CHD9: variants seen among roughly 807,000 people sequenced by gnomAD.
CHD9 encodes ATP-dependent chromatin remodeler CHD9.
In CHD9, 77 loss-of-function variants were observed where a neutral mutation model predicts 316.1. That is an observed-to-expected ratio of 0.24 (90% confidence interval 0.20 to 0.29). The LOEUF is 0.29. CHD9 is among the 10% of genes least tolerant of loss of function. The pLI is 1.00. For missense variants in CHD9, 2,763 were observed against 3,438.1 expected, an observed-to-expected ratio of 0.80 and a Z score of 4.91; for synonymous variants, 1,129 against 1,158.3, an observed-to-expected ratio of 0.97 and a Z score of 0.51.
At chr16:53,261,870 A>T (rs991488144) in intron 19 of CHD9, among the ~76,000 whole-genome samples, 25 of 152,192 alleles carry the variant, frequency 1.6e-4, no homozygotes, top group African/African-American at 6.0e-4. Context: ...CTACAATACT[A>T]TTACCACATT....
chr16:53,296,847 G>A (rs2054855391), intron 29 of CHD9, 109 bp from the exon 30 acceptor site: 4 of 694,956 alleles, frequency 5.8e-6, no homozygotes, highest in African/African-American at 5.4e-5. Flanking sequence ...TAATCCTATA[G>A]TGTTAGGTAC....
rs1305929677 is a variant in CHD9 at position 53,157,287 on chromosome 16, C to A, written c.1198C>A (p.Pro400Thr). The A allele has an allele frequency of 1.4e-5, 23 of 1,609,854 alleles. No homozygotes were observed. Among genetic ancestry groups the A allele is most frequent in the African/African-American group, 2.7e-5 (2 of 74,884 alleles). ...TCATCAAGTGGAATCTCAAACTGAG[C>A]CATTCACAGGACTTGACCCCGAGGA... Reference protein sequence around the residue: ...LLHQVESQTEPFTGLDPEDLL... With the variant: ...LLHQVESQTETFTGLDPEDLL... Residue 400 changes from proline (P) to threonine (T), a missense_variant, in exon 2 of 39, where the codon CCA (proline) becomes ACA (threonine). Pro to Thr is a conservative substitution (Grantham distance 38). This residue lies in a region of CHD9 where 859 missense variants were observed against 890.4 expected (regional missense o/e 0.96). Transcript: ENST00000447540.
intron 2 of CHD9, among the ~76,000 whole-genome samples, chr16:53,160,122 G>C (rs745340865): frequency 7.2e-5 from 11 of 152,108 alleles, no homozygotes; most frequent in African/African-American, 2.7e-4. Flanking sequence ...ATTGAACTTA[G>C]GTGCATCTAT....
At chr16:53,179,457 T>G (rs920445360) in intron 2 of CHD9, among the ~76,000 whole-genome samples, 1 of 152,210 alleles carries the variant, frequency 6.6e-6, no homozygotes, top group African/African-American at 2.4e-5. Context: ...CTTATACATA[T>G]TTATGTCCCT....
At position 53,324,064 on chromosome 16, in the gene CHD9, C is replaced by T. The variant is rs1360316789; in HGVS notation, c.7863C>T (p.Pro2621=). The change falls in exon 39 of 39, where the codon CCC becomes CCT. Residue 2621 remains proline (P), a synonymous_variant. Coordinates refer to ENST00000447540, the MANE Select transcript of CHD9 (RefSeq NM_001308319.2). ...TGTATGAACGTATTCTCACTGGTCCCGTTGTGAGAGAGGAAGTAAGCAGGC... is the reference window on the plus strand; with the variant it reads ...TGTATGAACGTATTCTCACTGGTCCTGTTGTGAGAGAGGAAGTAAGCAGGC... ...ESMYERILTG[P]VVREEVSRRG... is the part of the protein sequence containing the mutation. 3.7e-6 allele frequency: 6 copies of T among 1,613,558 alleles called. No homozygotes were observed. The highest frequency in any genetic ancestry group is 1.6e-4 in the Middle Eastern group (1 of 6,082).
intron 2 of CHD9, among the ~76,000 whole-genome samples, chr16:53,176,475 A>C (rs968472188): frequency 1.3e-5 from 2 of 152,220 alleles, no homozygotes; most frequent in Non-Finnish European, 1.5e-5. Flanking sequence ...AAATATTCAC[A>C]GGTTTTGAGG....
intron 1 of CHD9, among the ~76,000 whole-genome samples, chr16:53,073,168 C>T (rs971796352): frequency 3.3e-5 from 5 of 152,196 alleles, no homozygotes; most frequent in Non-Finnish European, 7.3e-5. Context: ...TGGCAACAGC[C>T]AATCTGCTGT....
At chr16:53,294,277 T>C (rs1219671775) in intron 29 of CHD9, among the ~76,000 whole-genome samples, 1 of 152,232 alleles carries the variant, frequency 6.6e-6, no homozygotes, top group African/African-American at 2.4e-5. Flanking sequence ...GGAAGATATA[T>C]TGTTCTTTTG....
At chr16:53,251,038 T>C (rs918764020) in intron 17 of CHD9, among the ~76,000 whole-genome samples, 1 of 152,190 alleles carries the variant, frequency 6.6e-6, no homozygotes, top group African/African-American at 2.4e-5. Flanking sequence ...TAATCTACTT[T>C]AAAATATCAA....
At chr16:53,229,243 C>T (rs920353877) in intron 8 of CHD9, 143 bp downstream of exon 8, 6 of 488,674 alleles carry the variant, frequency 1.2e-5, no homozygotes, top group Non-Finnish European at 1.8e-5. Flanking sequence ...TAGTATTTTT[C>T]TCTTCTCAAA....
chr16:53,142,990 C>T (rs796936157), intron 1 of CHD9, among the ~76,000 whole-genome samples: 4 of 152,258 alleles, frequency 2.6e-5, no homozygotes, highest in African/African-American at 9.6e-5. Context: ...GGCAAGAGAG[C>T]AAGGCATGAC....
At chr16:53,171,778 G>C (rs2042743837) in intron 2 of CHD9, among the ~76,000 whole-genome samples, 1 of 151,496 alleles carries the variant, frequency 6.6e-6, no homozygotes, top group South Asian at 2.1e-4. Context: ...TTGAGCCCAG[G>C]AGACAGGGGT....
At chr16:53,186,718 G>A (rs972042652) in intron 2 of CHD9, among the ~76,000 whole-genome samples, 2 of 152,092 alleles carry the variant, frequency 1.3e-5, no homozygotes, top group Non-Finnish European at 2.9e-5. Context: ...TCATGGGGGT[G>A]GTTTTCCCCA....
intron 36 of CHD9, 146 bp from the exon 37 acceptor site, chr16:53,318,065 AT>A (rs1193481839): frequency 2.0e-5 from 12 of 595,940 alleles, no homozygotes; most frequent in African/African-American, 3.8e-5. Context: ...TCAAAAAAAA[AT>A]AAAATAAAAA....
intron 16 of CHD9, 43 bp downstream of exon 16, chr16:53,247,546 C>T: frequency 7.4e-7 from 1 of 1,347,432 alleles, no homozygotes; most frequent in Non-Finnish European, 1.0e-6. Flanking sequence ...TAAGTATATG[C>T]TATTAAGATT....
At chr16:53,198,426 A>G (rs2045139029) in intron 2 of CHD9, among the ~76,000 whole-genome samples, 1 of 149,896 alleles carries the variant, frequency 6.7e-6, no homozygotes, top group African/African-American at 2.5e-5. Flanking sequence ...TCCCGGGTTC[A>G]AGCGATTCCC....
chr16:53,198,052 G>A (rs183068627), intron 2 of CHD9, among the ~76,000 whole-genome samples: 46 of 152,024 alleles, frequency 3.0e-4, no homozygotes, highest in African/African-American at 9.4e-4. Context: ...CAAGCGTATC[G>A]ACTCTCCAAC....
At chr16:53,253,003 A>G (rs1426041080) in intron 17 of CHD9, among the ~76,000 whole-genome samples, 1 of 152,192 alleles carries the variant, frequency 6.6e-6, no homozygotes, top group Non-Finnish European at 1.5e-5. Context: ...TTCCTTAAAG[A>G]ACAAAAAGTA....
At chr16:53,236,586 C>T (rs139328437) in intron 11 of CHD9, among the ~76,000 whole-genome samples, 1 of 151,742 alleles carries the variant, frequency 6.6e-6, no homozygotes, top group Non-Finnish European at 1.5e-5. Context: ...CTCTCTCTCT[C>T]TCTTTCTCTT....
Sources: allele counts gnomAD v4.1 joint callset (sites outside exome capture counted in the v4.1 genomes callset), GRCh38; gene constraint gnomAD v4.1.1; regional missense constraint gnomAD v4.1.1; transcripts MANE v1.5; gene names NCBI Gene and HGNC (gene_info 2026-07-23, HGNC 2026-07-21).